RUFY4: variants seen among roughly 807,000 people sequenced by gnomAD.
RUFY4 encodes RUN and FYVE domain containing 4.
RUFY4 carries 73 observed loss-of-function variants against 69.0 expected under a neutral mutation model. The observed-to-expected ratio is 1.06, with a 90% CI of 0.88 to 1.29. The LOEUF is 1.29. Ranked by LOEUF, RUFY4 falls within the 50% of genes most tolerant of loss-of-function variation. The pLI is 0.00. For missense variants in RUFY4, 770 were observed against 705.6 expected, an observed-to-expected ratio of 1.09 and a Z score of -1.03; for synonymous variants, 287 against 271.8, an observed-to-expected ratio of 1.06 and a Z score of -0.55.
chr2:218,055,194 A>T (rs1834850), intron 2 of RUFY4, among the ~76,000 whole-genome samples: 1 of 152,134 alleles, frequency 6.6e-6, no homozygotes, highest in South Asian at 2.1e-4. Context: ...CAGGAGTTCG[A>T]GATCAGCCTG....
At chr2:218,057,887 G>T (rs1034634363) in intron 2 of RUFY4, among the ~76,000 whole-genome samples, 1 of 152,200 alleles carries the variant, frequency 6.6e-6, no homozygotes, top group Admixed American at 6.5e-5. Flanking sequence ...TGCAACTTCA[G>T]AGTGTAACTA....
chr2:218,075,555 G>A (rs373354380), exon 7 of RUFY4: 1 of 1,536,114 alleles, frequency 6.5e-7, no homozygotes. Context: ...AGGGGCTGTA[G>A]AGGGAGCAGT....
chr2:218,058,408 G>C (rs1559425541), intron 2 of RUFY4, among the ~76,000 whole-genome samples: 1 of 152,208 alleles, frequency 6.6e-6, no homozygotes, highest in Non-Finnish European at 1.5e-5. Context: ...GGCATTATCA[G>C]TGCCTTCAAA....
intron 8 of RUFY4, among the ~76,000 whole-genome samples, chr2:218,081,426 G>C (rs1457831950): frequency 6.6e-6 from 1 of 152,100 alleles, no homozygotes; most frequent in Non-Finnish European, 1.5e-5. Flanking sequence ...AACCCTCCCT[G>C]GTCTCTGTCT....
intron 2 of RUFY4, among the ~76,000 whole-genome samples, chr2:218,048,541 T>C (rs1688880216): frequency 6.6e-6 from 1 of 152,204 alleles, no homozygotes; most frequent in Admixed American, 6.5e-5. Context: ...ATTTCCTAGG[T>C]TGTTTTCCAG....
intron 2 of RUFY4, among the ~76,000 whole-genome samples, chr2:218,036,504 T>G (rs1177524780): frequency 6.6e-6 from 1 of 152,150 alleles, no homozygotes; most frequent in Non-Finnish European, 1.5e-5. Flanking sequence ...CAGTTCCAAT[T>G]TGAACCAACA....
intron 2 of RUFY4, among the ~76,000 whole-genome samples, chr2:218,046,672 G>A (rs763188325): frequency 1.3e-5 from 2 of 152,132 alleles, no homozygotes; most frequent in Admixed American, 1.3e-4. Context: ...AATATGAGAC[G>A]TCTAGGAATT....
At chr2:218,059,218 T>C (rs1013047001) in intron 3 of RUFY4, 5 of 152,252 alleles carry the variant, frequency 3.3e-5, no homozygotes, top group African/African-American at 1.2e-4. Context: ...CTTGGTTCTT[T>C]GGCAAAAGTA....
At chr2:218,039,420 C>T (rs1959028199) in intron 2 of RUFY4, among the ~76,000 whole-genome samples, 2 of 152,174 alleles carry the variant, frequency 1.3e-5, no homozygotes, top group Admixed American at 1.3e-4. Context: ...AGAAATGTCT[C>T]CCATTATTTA....
chr2:218,041,052 A>C (rs1051505065), intron 2 of RUFY4, among the ~76,000 whole-genome samples: 3 of 151,688 alleles, frequency 2.0e-5, no homozygotes, highest in Non-Finnish European at 4.4e-5. Flanking sequence ...GGACGTTTAC[A>C]CTTCCTTTCT....
chr2:218,060,551 C>G, intron 3 of RUFY4: 1 of 1,303,116 alleles, frequency 7.7e-7, no homozygotes, highest in Non-Finnish European at 1.1e-6. Context: ...TGGTTGATGT[C>G]GTTGCGGCGC....
upstream of RUFY4, chr2:218,070,324 A>T (rs144767803): frequency 1.0e-4 from 49 of 485,346 alleles, no homozygotes; most frequent in Middle Eastern, 1.2e-3. Flanking sequence ...GGATTATGTG[A>T]GGATTGAATG....
chr2:218,050,698 A>C (rs952091183), intron 2 of RUFY4, among the ~76,000 whole-genome samples: 1 of 152,170 alleles, frequency 6.6e-6, no homozygotes, highest in Non-Finnish European at 1.5e-5. Context: ...AGACAGTGTT[A>C]TATTTGTCTC....
intron 2 of RUFY4, among the ~76,000 whole-genome samples, chr2:218,046,755 C>A (rs908563946): frequency 6.6e-6 from 1 of 152,174 alleles, no homozygotes; most frequent in African/African-American, 2.4e-5. Context: ...TATTATTTGG[C>A]AGTGCCTCTC....
chr2:218,040,424 G>T (rs1051955044), intron 2 of RUFY4, among the ~76,000 whole-genome samples: 3 of 152,192 alleles, frequency 2.0e-5, no homozygotes, highest in African/African-American at 7.2e-5. Context: ...CCTGGCTGGG[G>T]CCTCAGGAAG....
intron 3 of RUFY4, among the ~76,000 whole-genome samples, chr2:218,062,867 T>C (rs114973322): frequency 0.019 from 2,925 of 152,310 alleles, 99 homozygotes; most frequent in African/African-American, 0.067. Flanking sequence ...ACAGCCAGCC[T>C]GCACCCCAAT....
chr2:218,075,468 C>T lies in RUFY4; in HGVS notation c.976C>T (p.Gln326Ter). Residue 326 changes from glutamine (Q) to a stop codon, truncating the protein, a stop_gained, in exon 7 of 11, where the codon CAG (glutamine) becomes TAG (stop). Transcript: ENST00000344321. LOFTEE classifies it high-confidence loss of function. ...AGGGGTTCTGCTGGTTGCAGAGGGT[C>T]AGAGAACAACAGAGGGGACTCACAA... is the stretch of plus-strand genomic sequence containing the variant. The T allele has an allele frequency of 6.2e-7, 1 of 1,603,898 alleles. No individual in the cohort carries two copies. The highest frequency in any genetic ancestry group is 8.5e-7 in the Non-Finnish European group (1 of 1,174,760).
intron 9 of RUFY4, among the ~76,000 whole-genome samples, chr2:218,087,186 G>T (rs1196097571): frequency 6.6e-6 from 1 of 152,060 alleles, no homozygotes; most frequent in East Asian, 1.9e-4. Flanking sequence ...GTATAGAATA[G>T]AATCCAATAG....
At chr2:218,037,564 G>A (rs1958998443) in intron 2 of RUFY4, among the ~76,000 whole-genome samples, 1 of 152,182 alleles carries the variant, frequency 6.6e-6, no homozygotes, top group African/African-American at 2.4e-5. Context: ...TTTAAAGCTT[G>A]CTTTGTTGGA....
Sources: gnomAD v4.1 joint callset for allele counts (sites outside exome capture counted in the v4.1 genomes callset) on GRCh38, gnomAD v4.1.1 for gene constraint, MANE v1.5 for transcripts, NCBI Gene and HGNC (gene_info 2026-07-23, HGNC 2026-07-21) for gene names.